Variants in CTDSPL2 observed in about 807,000 individuals in gnomAD.
CTDSPL2 encodes the protein CTD small phosphatase-like protein 2.
In CTDSPL2, 5 loss-of-function variants were observed where a neutral mutation model predicts 60.0. The ratio of observed to expected loss-of-function variants is 0.08; its 90% CI spans 0.04 to 0.18. The LOEUF is 0.18. CTDSPL2 is among the 10% of genes least tolerant of loss of function. The pLI is 1.00. For synonymous variants in CTDSPL2, 186 were observed against 189.3 expected (o/e 0.98, Z 0.14); for missense variants, 370 against 548.8 (o/e 0.67, Z 3.26).
intron 2 of CTDSPL2, among the ~76,000 whole-genome samples, chr15:44,464,616 A>G (rs146062546): frequency 1.3e-3 from 199 of 152,172 alleles, no homozygotes; most frequent in Middle Eastern, 3.4e-3. Context: ...CACCCCTCAC[A>G]TGGTCAGTCT....
At position 44,525,291 on chromosome 15, in the gene CTDSPL2, C is replaced by A; in HGVS notation, c.*1117C>A. On this transcript the variant is annotated 3_prime_UTR_variant, in exon 13 of 13. Transcript: ENST00000260327. ...ATAATCCTGTGGCACAGTACACTCC[C>A]AAGCCACCAATGCAGTTAATATGCT... 2.5e-6 allele frequency: 1 copy of A among 397,674 alleles called. No homozygotes were observed. The highest frequency in any genetic ancestry group is 4.4e-6 in the Non-Finnish European group (1 of 225,320). The allele number at this position is 397,674 out of a possible 1,614,324, so 24.6% of individuals were successfully genotyped here. A position where few individuals can be genotyped will look rare whatever the true frequency, so the allele number is the denominator to read the frequency against.
intron 2 of CTDSPL2, among the ~76,000 whole-genome samples, chr15:44,467,805 C>T (rs1212993646): frequency 6.6e-6 from 1 of 152,128 alleles, no homozygotes; most frequent in Non-Finnish European, 1.5e-5. Flanking sequence ...GAACTCCTGA[C>T]CTCAAGTGAT....
chr15:44,427,957 C>A (rs949968103), intron 1 of CTDSPL2, 185 bp downstream of exon 1: 7 of 337,720 alleles, frequency 2.1e-5, no homozygotes, highest in Non-Finnish European at 3.2e-5. Flanking sequence ...TCTGGACTTT[C>A]CCCTGGGAAC....
At chr15:44,438,906 T>C (rs1474734538) in intron 1 of CTDSPL2, among the ~76,000 whole-genome samples, 2 of 152,294 alleles carry the variant, frequency 1.3e-5, no homozygotes, top group East Asian at 3.9e-4. Flanking sequence ...GGCAATTAAC[T>C]TTTTGTATTC....
At chr15:44,502,720 A>T (rs1320619185) in intron 8 of CTDSPL2, among the ~76,000 whole-genome samples, 1 of 152,232 alleles carries the variant, frequency 6.6e-6, no homozygotes, top group Non-Finnish European at 1.5e-5. Flanking sequence ...TCAAATTGTA[A>T]GTAGAAGTAA....
At chr15:44,456,061 A>G (rs1282298165) in intron 1 of CTDSPL2, among the ~76,000 whole-genome samples, 1 of 151,588 alleles carries the variant, frequency 6.6e-6, no homozygotes, top group Non-Finnish European at 1.5e-5. Context: ...CGTGTTAGCC[A>G]GGATGGTCTC....
intron 1 of CTDSPL2, among the ~76,000 whole-genome samples, chr15:44,453,399 ATGTG>A (rs2080369126): frequency 6.6e-6 from 1 of 152,014 alleles, no homozygotes; most frequent in Non-Finnish European, 1.5e-5. Flanking sequence ...TGAGATGATC[ATGTG>A]GATTTTTTTT....
At chr15:44,441,710 G>A (rs1298104254) in intron 1 of CTDSPL2, among the ~76,000 whole-genome samples, 1 of 152,056 alleles carries the variant, frequency 6.6e-6, no homozygotes, top group Admixed American at 6.6e-5. Flanking sequence ...TCAGCTCTCG[G>A]ATGGGTTTTT....
intron 8 of CTDSPL2, among the ~76,000 whole-genome samples, chr15:44,505,774 G>A (rs1244294425): frequency 2.0e-5 from 3 of 151,224 alleles, no homozygotes; most frequent in African/African-American, 7.3e-5. Flanking sequence ...AACATACTAT[G>A]TGGAAAGTTC....
chr15:44,507,434 T>G (rs759228185), intron 8 of CTDSPL2, among the ~76,000 whole-genome samples: 1 of 152,212 alleles, frequency 6.6e-6, no homozygotes, highest in Non-Finnish European at 1.5e-5. Context: ...TTATTTTTAT[T>G]GGTTTTAGTG....
At chr15:44,446,655 A>C (rs1378763717) in intron 1 of CTDSPL2, among the ~76,000 whole-genome samples, 1 of 151,874 alleles carries the variant, frequency 6.6e-6, no homozygotes, top group East Asian at 1.9e-4. Flanking sequence ...CAAACAAACA[A>C]AAAACCTTAG....
chr15:44,440,615 T>A (rs1343871237), intron 1 of CTDSPL2, among the ~76,000 whole-genome samples: 1 of 152,246 alleles, frequency 6.6e-6, no homozygotes, highest in Non-Finnish European at 1.5e-5. Flanking sequence ...TGAAGGTTTA[T>A]CAATTTACTC....
In CTDSPL2 at chr15:44,526,853, C is replaced by G. The variant is rs973564629; in HGVS notation, c.*2679C>G. The G allele has an allele frequency of 4.6e-5, 7 of 152,470 alleles. No individual in the cohort carries two copies. Among genetic ancestry groups the G allele is most frequent in the African/African-American group, 1.7e-4 (7 of 41,426 alleles). 9.4% of individuals were successfully genotyped at this position (152,470 alleles called of 1,614,324 possible). A position where few individuals can be genotyped will look rare whatever the true frequency, so the allele number is the denominator to read the frequency against. Reference sequence around the variant, plus strand: ...CTAGTAAATGCAGGAGAGGTGGATACCTGATGAGACACAGCGAAAGTGACC... The same window carrying G: ...CTAGTAAATGCAGGAGAGGTGGATAGCTGATGAGACACAGCGAAAGTGACC... On this transcript the variant is annotated 3_prime_UTR_variant, in exon 13 of 13. Coordinates refer to ENST00000260327, the MANE Select transcript of CTDSPL2 (RefSeq NM_016396.3).
intron 8 of CTDSPL2, among the ~76,000 whole-genome samples, chr15:44,500,058 A>C (rs2081361760): frequency 6.6e-6 from 1 of 152,186 alleles, no homozygotes; most frequent in African/African-American, 2.4e-5. Flanking sequence ...CTAGTTTCAT[A>C]ATCTGTTTGC....
At chr15:44,497,884 C>G (rs1315399744) in intron 7 of CTDSPL2, among the ~76,000 whole-genome samples, 1 of 152,088 alleles carries the variant, frequency 6.6e-6, no homozygotes, top group East Asian at 1.9e-4. Flanking sequence ...GTAATCTCAG[C>G]TACTCTGGAG....
intron 2 of CTDSPL2, among the ~76,000 whole-genome samples, chr15:44,474,819 G>T (rs1001839329): frequency 8.5e-5 from 13 of 152,112 alleles, no homozygotes; most frequent in Non-Finnish European, 1.9e-4. Flanking sequence ...TCACTCCATT[G>T]CACTCTAGCC....
intron 12 of CTDSPL2, among the ~76,000 whole-genome samples, chr15:44,521,952 A>AC (rs1320031554): frequency 6.7e-6 from 1 of 149,910 alleles, no homozygotes; most frequent in Non-Finnish European, 1.5e-5. Context: ...AAAAAAAAAA[A>AC]AAAAAAAAAA....
At chr15:44,501,840 AT>A (rs2081386574) in intron 8 of CTDSPL2, 5 of 344,368 alleles carry the variant, frequency 1.5e-5, no homozygotes, top group South Asian at 4.9e-5. Context: ...TGGATTTCTT[AT>A]TTTGGCATAG....
At chr15:44,475,346 A>C (rs2080894437) in intron 2 of CTDSPL2, among the ~76,000 whole-genome samples, 1 of 152,146 alleles carries the variant, frequency 6.6e-6, no homozygotes, top group Non-Finnish European at 1.5e-5. Context: ...TGATAACTTT[A>C]AGATTCTTCA....
Sources: gnomAD v4.1 joint callset for allele counts (sites outside exome capture counted in the v4.1 genomes callset) on GRCh38, gnomAD v4.1.1 for gene constraint, MANE v1.5 for transcripts, NCBI Gene and HGNC (gene_info 2026-07-23, HGNC 2026-07-21) for gene names.